REG4: variants seen among roughly 807,000 people sequenced by gnomAD.
REG4 encodes regenerating family member 4.
REG4 carries 16 observed loss-of-function variants against 22.3 expected under a neutral mutation model. That is an observed-to-expected ratio of 0.72 (90% CI 0.49 to 1.09). The LOEUF (loss-of-function observed/expected upper bound fraction) is 1.09. Among genes scored for constraint, REG4 ranks in the 50% least tolerant of loss-of-function variants. The probability of loss-of-function intolerance (pLI) is 0.00; values close to 1 mark genes in which losing one functional copy is unlikely to be tolerated. For missense variants in REG4, 214 were observed against 193.9 expected (o/e 1.10, Z -0.61); for synonymous variants, 71 against 69.2 (o/e 1.03, Z -0.13).
rs909701480 is a variant in REG4, at chr1:119,807,898, C to T, written c.67+805G>A. Among the ~76,000 whole-genome samples, 3 of 152,156 alleles carry T rather than the reference C, an allele frequency of 2.0e-5. No homozygotes were observed. The South Asian group carries it at 6.2e-4, about 31-fold the overall frequency. On this transcript the variant is annotated intron_variant, in intron 2 of 5. Coordinates refer to ENST00000256585, the MANE Select transcript of REG4 (RefSeq NM_032044.4). ...GTACTAAGTAACAGATAGCACTGGT[C>T]CCCTCTGGAAGCCCTCTTCTCAACA...
In REG4 at chr1:119,797,164, T is replaced by C. The variant is rs587672216; in HGVS notation, c.409+1333A>G. 2.7e-5 allele frequency among the ~76,000 whole-genome samples: 4 copies of C among 148,320 alleles called. No homozygotes were observed. The East Asian group carries it at 8.5e-4, about 32-fold the overall frequency. On this transcript the variant is annotated intron_variant, in intron 5 of 5. Transcript: ENST00000256585. Reference sequence around the variant, plus strand: ...TAAGGTTTCTCACTACTTCCTGGGGTAGCTCATTATGTGTTTGAGCAGTGC... The same window carrying C: ...TAAGGTTTCTCACTACTTCCTGGGGCAGCTCATTATGTGTTTGAGCAGTGC...
rs2101064157 is a variant in REG4 at position 119,794,587 on chromosome 1, T to C, written c.*31A>G. On this transcript the variant is annotated 3_prime_UTR_variant, in exon 6 of 6. Coordinates refer to ENST00000256585, the MANE Select transcript of REG4 (RefSeq NM_032044.4). The stretch of plus-strand genomic sequence containing the variant: ...AGCAGAAAGGAAGAGGACGGGGCTG[T>C]GCAGGAGTTAGCAGAATCTTGATTC... The C allele has an allele frequency of 6.3e-7, 1 of 1,592,114 alleles. No homozygotes were observed. Among genetic ancestry groups the C allele is most frequent in the East Asian group, 2.2e-5 (1 of 44,768 alleles).
At chr1:119,794,823 T>C (rs186812214) in intron 5 of REG4, 138 bp from the exon 6 acceptor site, 10 of 756,660 alleles carry the variant, frequency 1.3e-5, no homozygotes, top group African/African-American at 6.9e-5. Context: ...TAGACTATGA[T>C]GTACAGTTGT....
intron 3 of REG4, 82 bp from the exon 4 acceptor site, chr1:119,799,944 A>G: frequency 1.9e-6 from 3 of 1,545,150 alleles, no homozygotes; most frequent in Non-Finnish European, 2.6e-6. Context: ...CGTGCCAAGA[A>G]GGAGGGACTC....
At chr1:119,796,931 G>A (rs946871146) in intron 5 of REG4, among the ~76,000 whole-genome samples, 1 of 152,232 alleles carries the variant, frequency 6.6e-6, no homozygotes. Context: ...ACTTAGGGAG[G>A]CATCTGGTCT....
At chr1:119,809,046 C>A in intron 1 of REG4, 183 bp from the exon 2 acceptor site, 1 of 350,986 alleles carries the variant, frequency 2.8e-6, no homozygotes, top group East Asian at 5.8e-5. Context: ...ACCTCCTGGG[C>A]CAGTGCCAGA....
intron 5 of REG4, among the ~76,000 whole-genome samples, chr1:119,795,211 T>C (rs587767085): frequency 6.6e-6 from 1 of 152,256 alleles, no homozygotes; most frequent in South Asian, 2.1e-4. Context: ...GAAAAACACT[T>C]GAAATGTCAC....
chr1:119,802,864 C>T (rs989088250), intron 3 of REG4: 1 of 1,547,656 alleles, frequency 6.5e-7, no homozygotes, highest in Non-Finnish European at 8.8e-7. Flanking sequence ...CATCTAGGGT[C>T]TGGCATACAG....
Position 119,803,160 on chromosome 1 carries a change from T to C in REG4, c.73A>G (p.Ile25Val), listed in dbSNP as rs2101071259. 1 of 1,519,202 alleles carries C rather than the reference T, an allele frequency of 6.6e-7. No homozygotes were observed. The highest frequency in any genetic ancestry group is 1.3e-5 in the South Asian group (1 of 74,766). The allele number at this position is 1,519,202 out of a possible 1,614,324, so 94.1% of individuals were successfully genotyped here. A position where few individuals can be genotyped will look rare whatever the true frequency, so the allele number is the denominator to read the frequency against. The change falls in exon 3 of 6, where the codon ATC (isoleucine) becomes GTC (valine). Residue 25 changes from isoleucine (I) to valine (V), a missense_variant. Coordinates refer to ENST00000256585, the MANE Select transcript of REG4 (RefSeq NM_032044.4). ...CCAGGAGCACAGCTGGGTCTCATGA[T>C]GATATCTGCACATAAACAAAAGGCA... ...LAKTGVLGDI[I>V]MRPSCAPGWF...
At chr1:119,806,702 C>T (rs1654330966) in intron 2 of REG4, among the ~76,000 whole-genome samples, 1 of 152,158 alleles carries the variant, frequency 6.6e-6, no homozygotes, top group African/African-American at 2.4e-5. Context: ...AGAACCTTGA[C>T]CCCACCTCAC....
In REG4 at chr1:119,803,080, C is replaced by A; in HGVS notation, c.153G>T (p.Trp51Cys). The change falls in exon 3 of 6, where the codon TGG becomes TGT. Residue 51 changes from tryptophan to cysteine, a missense_variant. Trp to Cys is a radical substitution (Grantham distance 215, BLOSUM62 -2). Coordinates refer to ENST00000256585, the MANE Select transcript of REG4 (RefSeq NM_032044.4). Reference protein sequence around the residue: ...CYGYFRKLRNWSDAELECQSY... With the variant: ...CYGYFRKLRNCSDAELECQSY... ...GCAAGTTTCTTACCTCGGCATCAGA[C>A]CAGTTCCTCAGCTTCCTGAAGTAAC... is the stretch of plus-strand genomic sequence containing the variant. The A allele has an allele frequency of 6.3e-7, 1 of 1,597,384 alleles. No homozygotes were observed. Among genetic ancestry groups the A allele is most frequent in the African/African-American group, 1.3e-5 (1 of 74,292 alleles).
At position 119,803,096 on chromosome 1, in the gene REG4, C is replaced by G. The variant is rs775054295; in HGVS notation, c.137G>C (p.Arg46Thr). 6.3e-7 allele frequency: 1 copy of G among 1,575,386 alleles called. No homozygotes were observed. The highest frequency in any genetic ancestry group is 1.2e-5 in the South Asian group (1 of 83,282). Reference sequence around the variant, plus strand: ...GGCATCAGACCAGTTCCTCAGCTTCCTGAAGTAACCATAGCAATTGGACTT... The same window carrying G: ...GGCATCAGACCAGTTCCTCAGCTTCGTGAAGTAACCATAGCAATTGGACTT... ...YHKSNCYGYF[R>T]KLRNWSDAEL... The change falls in exon 3 of 6, where the codon AGG becomes ACG. Residue 46 changes from arginine to threonine, a missense_variant. Transcript: ENST00000256585.
At chr1:119,807,422 G>T (rs1654353831) in intron 2 of REG4, among the ~76,000 whole-genome samples, 1 of 152,214 alleles carries the variant, frequency 6.6e-6, no homozygotes, top group Admixed American at 6.5e-5. Flanking sequence ...CCTCAGGAGA[G>T]AAGCCAGAGA....
chr1:119,803,019 G>A (rs1324598069), intron 3 of REG4, 49 bp downstream of exon 3: 1 of 1,610,816 alleles, frequency 6.2e-7, no homozygotes, highest in African/African-American at 1.3e-5. Context: ...GGCTCTGGCT[G>A]GTCCTTTGCT....
In REG4 at chr1:119,803,200, T is replaced by C. The variant is rs142964006; in HGVS notation, c.68-35A>G. Reference sequence around the variant, plus strand: ...AACAAAAGGCAATTGCACATTATGATAGCAAAAACAATCAATTCCCAGACT... The same window carrying C: ...AACAAAAGGCAATTGCACATTATGACAGCAAAAACAATCAATTCCCAGACT... On this transcript the variant is annotated intron_variant, in intron 2 of 5. Coordinates refer to ENST00000256585, the MANE Select transcript of REG4 (RefSeq NM_032044.4). The C allele has an allele frequency of 1.3e-3, 1,974 of 1,495,012 alleles. 1 individual carries two copies. The highest frequency in any genetic ancestry group is 1.7e-3 in the Non-Finnish European group (1,880 of 1,123,384). 92.6% of individuals were successfully genotyped at this position (1,495,012 alleles called of 1,614,324 possible).
chr1:119,803,518 T>C (rs779572371), intron 2 of REG4, among the ~76,000 whole-genome samples: 22 of 152,160 alleles, frequency 1.4e-4, no homozygotes, highest in Non-Finnish European at 2.4e-4. Context: ...GTGAGTCCAG[T>C]GGGTCCCCTG....
chr1:119,807,456 G>A (rs961462017), intron 2 of REG4, among the ~76,000 whole-genome samples: 1 of 152,210 alleles, frequency 6.6e-6, no homozygotes, highest in Non-Finnish European at 1.5e-5. Context: ...CCAGGGATAG[G>A]AAGATGGTTG....
At chr1:119,803,534 A>T (rs1160380004) in intron 2 of REG4, among the ~76,000 whole-genome samples, 2 of 152,214 alleles carry the variant, frequency 1.3e-5, no homozygotes, top group Non-Finnish European at 2.9e-5. Context: ...CCCTGAACCC[A>T]TGCTGTGGTT....
chr1:119,796,619 G>A (rs1653944858), intron 5 of REG4, among the ~76,000 whole-genome samples: 1 of 152,178 alleles, frequency 6.6e-6, no homozygotes, highest in Non-Finnish European at 1.5e-5. Flanking sequence ...TGTGGCTGAG[G>A]GGGATGGGCT....
Sources: gnomAD v4.1 joint callset for allele counts (sites outside exome capture counted in the v4.1 genomes callset) on GRCh38, gnomAD v4.1.1 for gene constraint, MANE v1.5 for transcripts, NCBI Gene and HGNC (gene_info 2026-07-23, HGNC 2026-07-21) for gene names.